Variants in CSMD1 observed in about 807,000 individuals in gnomAD.
The protein encoded by CSMD1 is CUB and sushi domain-containing protein 1.
A neutral mutation model predicts 417.5 loss-of-function variants in CSMD1; 213 were observed. The ratio of observed to expected loss-of-function variants is 0.51; its 90% CI spans 0.46 to 0.57. CSMD1 has a LOEUF of 0.57. Ranked by LOEUF, CSMD1 falls within the 20% of genes least tolerant of loss-of-function variation. The pLI is 0.00. For missense variants in CSMD1, 6,923 were observed against 4,529.7 expected (o/e 1.53, Z -15.17); for synonymous variants, 2,862 against 1,736.8 (o/e 1.65, Z -16.11).
intron 11 of CSMD1, among the ~76,000 whole-genome samples, chr8:3,484,331 G>A (rs1242037593): frequency 6.6e-6 from 1 of 152,180 alleles, no homozygotes; most frequent in Non-Finnish European, 1.5e-5. Flanking sequence ...GTTCAATGGA[G>A]AAAGGCGAGT....
chr8:3,487,677 G>A (rs1404367593), intron 11 of CSMD1, among the ~76,000 whole-genome samples: 4 of 152,202 alleles, frequency 2.6e-5, no homozygotes, highest in Non-Finnish European at 5.9e-5. Flanking sequence ...ATTTTCAAAG[G>A]AGGTGCCTAC....
At chr8:4,166,360 C>T (rs1225011850) in intron 3 of CSMD1, among the ~76,000 whole-genome samples, 4 of 152,136 alleles carry the variant, frequency 2.6e-5, no homozygotes, top group South Asian at 4.1e-4. Context: ...ACCTACAGCA[C>T]ATGTTATTTG....
chr8:4,903,890 A>C (rs1397001442), intron 1 of CSMD1, among the ~76,000 whole-genome samples: 1 of 152,238 alleles, frequency 6.6e-6, no homozygotes, highest in African/African-American at 2.4e-5. Context: ...TTCAACGCCG[A>C]TAATGCATTT....
In CSMD1 at chr8:3,741,979, G is replaced by T. The variant is rs147978610; in HGVS notation, c.931+11951C>A. On this transcript the variant is annotated intron_variant, in intron 6 of 69. Coordinates refer to ENST00000635120, the MANE Select transcript of CSMD1 (RefSeq NM_033225.6). ...ATTCCACTTTTTCCAAAGAATCTTG[G>T]TTTTTTTTTTTTTTAACCCTGCAAA... Among the ~76,000 whole-genome samples the T allele has an allele frequency of 3.6e-3, 525 of 146,194 alleles. 3 individuals carry two copies. The highest frequency in any genetic ancestry group is 5.2e-3 in the Non-Finnish European group (348 of 67,014).
intron 1 of CSMD1, among the ~76,000 whole-genome samples, chr8:4,941,608 A>AATTTTTTT (rs1808007140): frequency 6.6e-6 from 1 of 150,684 alleles, no homozygotes; most frequent in Admixed American, 6.6e-5. Flanking sequence ...TTTAATTTTT[A>AATTTTTTT]TTTTTTTTGA....
In CSMD1 at chr8:4,546,606, C is replaced by T. The variant is rs1428450110; in HGVS notation, c.302+90736G>A. Among the ~76,000 whole-genome samples, 3 of 152,212 alleles carry T rather than the reference C, an allele frequency of 2.0e-5. No individual in the cohort carries two copies. The South Asian group carries it at 6.2e-4, about 32-fold the overall frequency. ...TTCAGATTCAGGACAGGACTTTGAC[C>T]ACTAACTCTTCTTGCTCTCAGGACT... On this transcript the variant is annotated intron_variant, in intron 2 of 69. Coordinates refer to ENST00000635120, the MANE Select transcript of CSMD1 (RefSeq NM_033225.6).
intron 3 of CSMD1, among the ~76,000 whole-genome samples, chr8:4,277,938 C>A (rs991224285): frequency 6.6e-6 from 1 of 152,024 alleles, no homozygotes; most frequent in African/African-American, 2.4e-5. Context: ...TTAGTGGAGA[C>A]AGGATTTCAC....
At chr8:4,113,051 G>A (rs1287022833) in intron 3 of CSMD1, among the ~76,000 whole-genome samples, 1 of 152,000 alleles carries the variant, frequency 6.6e-6, no homozygotes, top group Non-Finnish European at 1.5e-5. Context: ...AAGGTGTTTT[G>A]GGGATGCCAC....
At chr8:3,484,311 C>G (rs1167505775) in intron 11 of CSMD1, among the ~76,000 whole-genome samples, 1 of 152,118 alleles carries the variant, frequency 6.6e-6, no homozygotes, top group African/African-American at 2.4e-5. Context: ...TTGATGAAGG[C>G]AGAAAAGCAG....
At chr8:4,268,611 T>C (rs549505937) in intron 3 of CSMD1, among the ~76,000 whole-genome samples, 2 of 152,186 alleles carry the variant, frequency 1.3e-5, no homozygotes, top group African/African-American at 4.8e-5. Flanking sequence ...AGAGTAGCTA[T>C]GGGATTACAG....
intron 3 of CSMD1, among the ~76,000 whole-genome samples, chr8:4,236,035 G>GTTTTTTTTTTTTTTTTTTTT (rs869046913): frequency 6.2e-5 from 7 of 112,654 alleles, no homozygotes; most frequent in Admixed American, 2.0e-4. Context: ...TGTTTTTTTT[G>GTTTTTTTTTTTTTTTTTTTT]TTTGTTTTTT....
intron 3 of CSMD1, among the ~76,000 whole-genome samples, chr8:4,390,445 G>A (rs1254087005): frequency 6.6e-6 from 1 of 151,884 alleles, no homozygotes; most frequent in Admixed American, 6.6e-5. Flanking sequence ...CATATTGGAT[G>A]TGTTTTATCA....
At chr8:4,555,285 A>G (rs1441609645) in intron 2 of CSMD1, among the ~76,000 whole-genome samples, 7 of 152,138 alleles carry the variant, frequency 4.6e-5, no homozygotes, top group Non-Finnish European at 8.8e-5. Context: ...ATGCCAGAAA[A>G]AAGACAGGTG....
At chr8:4,296,031 A>G (rs1328310835) in intron 3 of CSMD1, among the ~76,000 whole-genome samples, 1 of 152,034 alleles carries the variant, frequency 6.6e-6, no homozygotes, top group Non-Finnish European at 1.5e-5. Flanking sequence ...TAAAAATGAA[A>G]CTGTCTAATT....
chr8:3,112,502 G>T (rs967756405), intron 42 of CSMD1, among the ~76,000 whole-genome samples: 5 of 152,178 alleles, frequency 3.3e-5, no homozygotes, highest in African/African-American at 4.8e-5. Flanking sequence ...TATTATTTAT[G>T]CCACTGAATA....
intron 3 of CSMD1, among the ~76,000 whole-genome samples, chr8:4,368,351 T>C (rs903451124): frequency 6.6e-6 from 1 of 152,196 alleles, no homozygotes; most frequent in Non-Finnish European, 1.5e-5. Flanking sequence ...TTTATTGTGG[T>C]GAATTAGCTT....
rs116070402 is a variant in CSMD1 at position 3,612,926 on chromosome 8, G to A, written c.1097+3784C>T. Among the ~76,000 whole-genome samples the A allele has an allele frequency of 4.2e-3, 641 of 151,750 alleles. 9 individuals carry two copies. The highest frequency in any genetic ancestry group is 0.015 in the African/African-American group (616 of 41,424). The stretch of plus-strand genomic sequence containing the variant: ...AACAGAGGAAATAAATTAATAAGAG[G>A]TCAGAGCAGAAATCAATGAAATTGA... On this transcript the variant is annotated intron_variant, in intron 8 of 69. Coordinates refer to ENST00000635120, the MANE Select transcript of CSMD1 (RefSeq NM_033225.6).
intron 5 of CSMD1, among the ~76,000 whole-genome samples, chr8:3,860,561 A>C (rs1267879438): frequency 1.3e-5 from 2 of 152,310 alleles, no homozygotes; most frequent in South Asian, 2.1e-4. Flanking sequence ...TGATATCAGA[A>C]AATACGCATA....
chr8:4,548,506 T>C (rs1203944741), intron 2 of CSMD1, among the ~76,000 whole-genome samples: 1 of 152,126 alleles, frequency 6.6e-6, no homozygotes, highest in Non-Finnish European at 1.5e-5. Flanking sequence ...AGAATGAAAA[T>C]GCCATGCAAA....
Sources: gnomAD v4.1 joint callset for allele counts (sites outside exome capture counted in the v4.1 genomes callset) on GRCh38, gnomAD v4.1.1 for gene constraint, MANE v1.5 for transcripts, NCBI Gene and HGNC (gene_info 2026-07-23, HGNC 2026-07-21) for gene names.